Variants in GRM1 observed in about 807,000 individuals in gnomAD.
GRM1 encodes the protein metabotropic glutamate receptor 1.
GRM1 carries 33 observed loss-of-function variants against 90.9 expected under a neutral mutation model. The observed-to-expected ratio is 0.36, with a 90% CI of 0.28 to 0.49. The LOEUF (loss-of-function observed/expected upper bound fraction) is 0.49. Among genes scored for constraint, GRM1 ranks in the 20% least tolerant of loss-of-function variants. GRM1 has a pLI of 0.99. For synonymous variants in GRM1, 700 were observed against 613.2 expected, an observed-to-expected ratio of 1.14 and a Z score of -2.09; for missense variants, 1,190 against 1,534.3, an observed-to-expected ratio of 0.78 and a Z score of 3.75.
chr6:146,094,478 G>C (rs577480495), intron 1 of GRM1, among the ~76,000 whole-genome samples: 2 of 152,030 alleles, frequency 1.3e-5, no homozygotes, highest in Non-Finnish European at 2.9e-5. Context: ...TATTATCTTT[G>C]CATGACTGCT....
chr6:146,294,577 T>C (rs1163761562), intron 2 of GRM1, among the ~76,000 whole-genome samples: 2 of 152,140 alleles, frequency 1.3e-5, no homozygotes, highest in Non-Finnish European at 2.9e-5. Context: ...AGACCAAGCA[T>C]CAAGCATGTT....
chr6:146,434,001 C>A lies in GRM1; in HGVS notation c.2790C>A (p.Ile930=), dbSNP rs1446914195. ...CGGCCTGCAACCAAACAGCCGTCATCAAGCCCCTCACTAAAAGTTACCAAG... is the reference window on the plus strand; with the variant it reads ...CGGCCTGCAACCAAACAGCCGTCATAAAGCCCCTCACTAAAAGTTACCAAG... ...NETACNQTAV[I]KPLTKSYQGS... The change falls in exon 8 of 8, where the codon ATC becomes ATA. Residue 930 remains isoleucine, a synonymous_variant. Coordinates refer to ENST00000282753, the MANE Select transcript of GRM1 (RefSeq NM_001278064.2). 1 of 1,614,146 alleles carries A rather than the reference C, an allele frequency of 6.2e-7. No individual in the cohort carries two copies.
intron 2 of GRM1, among the ~76,000 whole-genome samples, chr6:146,295,406 A>G (rs1326517734): frequency 1.4e-5 from 2 of 142,840 alleles, no homozygotes; most frequent in Non-Finnish European, 3.1e-5. Context: ...TTTTTTTTGT[A>G]GTTTTTAGTA....
intron 2 of GRM1, among the ~76,000 whole-genome samples, chr6:146,227,254 A>G (rs901310750): frequency 1.3e-5 from 2 of 152,060 alleles, no homozygotes; most frequent in African/African-American, 4.8e-5. Flanking sequence ...ACACGTATTT[A>G]TTACACAGAA....
intron 1 of GRM1, among the ~76,000 whole-genome samples, chr6:146,110,917 GGA>G (rs1157531193): frequency 6.6e-6 from 1 of 152,170 alleles, no homozygotes; most frequent in African/African-American, 2.4e-5. Context: ...AAAGGAGGAA[GGA>G]GAGAGAAGGG....
chr6:146,141,660 G>C (rs1562489151), intron 1 of GRM1, among the ~76,000 whole-genome samples: 1 of 152,038 alleles, frequency 6.6e-6, no homozygotes, highest in Non-Finnish European at 1.5e-5. Context: ...GATCAATTCT[G>C]CTATTAAGAG....
intron 2 of GRM1, among the ~76,000 whole-genome samples, chr6:146,195,233 G>A (rs1416318140): frequency 1.3e-5 from 2 of 152,078 alleles, no homozygotes; most frequent in Admixed American, 1.3e-4. Context: ...AGATTAAAGT[G>A]GTAATTTAAT....
intron 2 of GRM1, among the ~76,000 whole-genome samples, chr6:146,226,691 T>C (rs1479375861): frequency 1.3e-5 from 2 of 152,136 alleles, no homozygotes; most frequent in Non-Finnish European, 2.9e-5. Context: ...CTACAATTGA[T>C]CGGTAGGTGG....
intron 1 of GRM1, among the ~76,000 whole-genome samples, chr6:146,050,899 G>A (rs1791500714): frequency 6.6e-6 from 1 of 152,050 alleles, no homozygotes; most frequent in Admixed American, 6.6e-5. Context: ...GTGATCCAGT[G>A]AGGAGGATAC....
At position 146,094,505 on chromosome 6, in the gene GRM1, G is replaced by T. The variant is rs17075666; in HGVS notation, c.700+64288G>T. On this transcript the variant is annotated intron_variant, in intron 1 of 7. Coordinates refer to ENST00000282753, the MANE Select transcript of GRM1 (RefSeq NM_001278064.2). ...ATGACTGCTATAGGGCGTATTACTC[G>T]ATTTTCTTTACTATTTTAATTATAC... Among the ~76,000 whole-genome samples the T allele has an allele frequency of 3.9e-3, 600 of 152,122 alleles. 17 individuals are homozygous for T. The East Asian group carries it at 0.069, about 18-fold the overall frequency.
At chr6:146,322,951 C>T (rs1220607170) in intron 3 of GRM1, among the ~76,000 whole-genome samples, 1 of 152,112 alleles carries the variant, frequency 6.6e-6, no homozygotes, top group Non-Finnish European at 1.5e-5. Flanking sequence ...TTTATGGCTG[C>T]ATAGTATTCC....
chr6:146,123,055 A>G (rs930921231), intron 1 of GRM1, among the ~76,000 whole-genome samples: 1 of 151,332 alleles, frequency 6.6e-6, no homozygotes, highest in African/African-American at 2.4e-5. Flanking sequence ...ATGCTGGCCA[A>G]GCTGGTCTCC....
At chr6:146,236,426 G>T (rs977738469) in intron 2 of GRM1, among the ~76,000 whole-genome samples, 1 of 151,996 alleles carries the variant, frequency 6.6e-6, no homozygotes, top group Non-Finnish European at 1.5e-5. Context: ...AGAAGTGTTC[G>T]TTCTACATTT....
chr6:146,337,032 C>G (rs190437791), intron 3 of GRM1, among the ~76,000 whole-genome samples: 7 of 152,304 alleles, frequency 4.6e-5, no homozygotes, highest in African/African-American at 1.2e-4. Context: ...TTTGCCTGTC[C>G]CTCTTCCTGG....
At chr6:146,284,922 A>G (rs982676946) in intron 2 of GRM1, among the ~76,000 whole-genome samples, 1 of 152,222 alleles carries the variant, frequency 6.6e-6, no homozygotes, top group Non-Finnish European at 1.5e-5. Context: ...TTAGCTAGTG[A>G]TGGATAAGTC....
At chr6:146,115,731 T>C (rs562466129) in intron 1 of GRM1, among the ~76,000 whole-genome samples, 1 of 152,296 alleles carries the variant, frequency 6.6e-6, no homozygotes, top group South Asian at 2.1e-4. Context: ...TTTACATTGA[T>C]TTATTAGAAA....
chr6:146,204,972 A>C (rs1329361132), intron 2 of GRM1, among the ~76,000 whole-genome samples: 2 of 152,226 alleles, frequency 1.3e-5, no homozygotes, highest in African/African-American at 2.4e-5. Flanking sequence ...GAATTTCAGT[A>C]GAGTTGGCCC....
chr6:146,242,435 A>G (rs1780898918), intron 2 of GRM1, among the ~76,000 whole-genome samples: 1 of 152,144 alleles, frequency 6.6e-6, no homozygotes, highest in African/African-American at 2.4e-5. Context: ...AGAGTATGGA[A>G]AAGACCTGGT....
chr6:146,063,738 T>C (rs1013348128), intron 1 of GRM1, among the ~76,000 whole-genome samples: 1 of 152,162 alleles, frequency 6.6e-6, no homozygotes, highest in African/African-American at 2.4e-5. Context: ...ATTAATACTA[T>C]ATATTAATAT....
Sources: allele counts gnomAD v4.1 joint callset (sites outside exome capture counted in the v4.1 genomes callset), GRCh38; gene constraint gnomAD v4.1.1; transcripts MANE v1.5; gene names NCBI Gene and HGNC (gene_info 2026-07-23, HGNC 2026-07-21).